Variants in FSTL5 observed in about 807,000 individuals in gnomAD.
FSTL5 encodes follistatin-related protein 5.
FSTL5 carries 62 observed loss-of-function variants against 89.1 expected under a neutral mutation model. That is an observed-to-expected ratio of 0.70 (90% CI 0.57 to 0.86). FSTL5 has a LOEUF of 0.86. Among genes scored for constraint, FSTL5 ranks in the 40% least tolerant of loss-of-function variants. FSTL5 has a pLI of 0.00. For synonymous variants in FSTL5, 383 were observed against 346.2 expected (o/e 1.11, Z -1.18); for missense variants, 1,057 against 1,001.6 (o/e 1.06, Z -0.75).
Position 161,386,139 on chromosome 4 carries a change from C to A in FSTL5, c.2152G>T (p.Val718Phe). ...SINDVKGLVR[V>F]QYITIRGEIQ... ...TCTCCTCTGATGGTAATGTACTGAA[C>A]CCTTACAAGACCTTTCACATCATTA... Residue 718 changes from valine to phenylalanine, a missense_variant, in exon 16 of 16, where the codon GTT becomes TTT. Val to Phe is a conservative substitution (Grantham distance 50). Transcript: ENST00000306100. 1 of 1,613,960 alleles carries A rather than the reference C, an allele frequency of 6.2e-7. No individual in the cohort carries two copies. The highest frequency in any genetic ancestry group is 8.5e-7 in the Non-Finnish European group (1 of 1,179,970).
At chr4:161,510,464 A>C (rs1397734665) in intron 10 of FSTL5, 40 bp from the exon 11 acceptor site, 1 of 1,240,732 alleles carries the variant, frequency 8.1e-7, no homozygotes, top group African/African-American at 1.5e-5. Context: ...AAGAAAAATG[A>C]GTAAAGAGAG....
rs962197239 is a variant in FSTL5 at position 161,592,270 on chromosome 4, CATT to C, written c.895-4698_895-4696del. ...TGGTACAGAAAATTCTTTTTATTAC[CATT>C]ATTATTATTATCATTATTATACATT... On this transcript the variant is annotated intron_variant, in intron 7 of 15. Coordinates refer to ENST00000306100, the MANE Select transcript of FSTL5 (RefSeq NM_020116.5). 3.3e-5 allele frequency among the ~76,000 whole-genome samples: 5 copies of C among 151,898 alleles called. No homozygotes were observed. In the East Asian group the frequency reaches 7.7e-4, roughly 23 times the overall value.
intron 5 of FSTL5, among the ~76,000 whole-genome samples, chr4:161,769,224 G>T (rs894753781): frequency 6.6e-6 from 1 of 151,834 alleles, no homozygotes; most frequent in Non-Finnish European, 1.5e-5. Flanking sequence ...AAATAAGACT[G>T]GGACCCAAGC....
At chr4:161,471,247 GA>G (rs1733927766) in intron 13 of FSTL5, among the ~76,000 whole-genome samples, 1 of 152,108 alleles carries the variant, frequency 6.6e-6, no homozygotes, top group Non-Finnish European at 1.5e-5. Flanking sequence ...CTAGTTTTTT[GA>G]GTATTTTTAT....
intron 7 of FSTL5, among the ~76,000 whole-genome samples, chr4:161,600,448 T>A (rs1209710469): frequency 2.0e-5 from 3 of 151,906 alleles, no homozygotes; most frequent in Non-Finnish European, 2.9e-5. Context: ...CTCTTTTTTT[T>A]AATTGTAAGT....
intron 7 of FSTL5, among the ~76,000 whole-genome samples, chr4:161,618,064 T>C (rs1287422115): frequency 2.0e-5 from 3 of 151,680 alleles, no homozygotes; most frequent in Admixed American, 6.6e-5. Context: ...GATTCCTAGG[T>C]ATTTTATTCT....
chr4:162,070,934 A>C (rs1729594186), intron 2 of FSTL5, among the ~76,000 whole-genome samples: 1 of 151,730 alleles, frequency 6.6e-6, no homozygotes, highest in African/African-American at 2.4e-5. Context: ...AAAAAGGATA[A>C]TATATACTGT....
intron 3 of FSTL5, among the ~76,000 whole-genome samples, chr4:162,027,877 A>AT (rs5863510): frequency 0.99 from 150,619 of 152,246 alleles, 74,514 homozygotes; most frequent in Middle Eastern, 1. Flanking sequence ...CCCTCATTTA[A>AT]TTTGAAAATT....
chr4:162,153,789 A>T (rs964179321), intron 1 of FSTL5, among the ~76,000 whole-genome samples: 1 of 122,060 alleles, frequency 8.2e-6, no homozygotes. Flanking sequence ...ATACATATAT[A>T]TGTATATGTA....
chr4:161,692,690 G>C (rs1029561429), intron 6 of FSTL5, among the ~76,000 whole-genome samples: 1 of 151,848 alleles, frequency 6.6e-6, no homozygotes, highest in Non-Finnish European at 1.5e-5. Flanking sequence ...GGGACCTCAG[G>C]GAAAATCAAC....
chr4:161,859,262 C>T (rs1232734253), intron 4 of FSTL5, among the ~76,000 whole-genome samples: 2 of 152,150 alleles, frequency 1.3e-5, no homozygotes, highest in South Asian at 2.1e-4. Flanking sequence ...ATCCTATCAC[C>T]CTCCTGTGGT....
At chr4:161,862,293 T>C (rs1490156573) in intron 4 of FSTL5, among the ~76,000 whole-genome samples, 1 of 152,196 alleles carries the variant, frequency 6.6e-6, no homozygotes, top group Non-Finnish European at 1.5e-5. Flanking sequence ...GGCTTTCCTA[T>C]AGTAAAATAT....
intron 15 of FSTL5, among the ~76,000 whole-genome samples, chr4:161,394,040 A>G (rs1032069260): frequency 1.3e-5 from 2 of 152,180 alleles, no homozygotes; most frequent in Non-Finnish European, 2.9e-5. Flanking sequence ...GAAAAACTAA[A>G]GTCTAGTTAA....
At chr4:161,862,431 A>T (rs762520811) in intron 4 of FSTL5, among the ~76,000 whole-genome samples, 6 of 152,146 alleles carry the variant, frequency 3.9e-5, no homozygotes, top group Non-Finnish European at 8.8e-5. Context: ...GATTACAAGA[A>T]GTCACTATAA....
At chr4:162,146,091 T>C (rs1732973794) in intron 1 of FSTL5, among the ~76,000 whole-genome samples, 1 of 152,162 alleles carries the variant, frequency 6.6e-6, no homozygotes, top group South Asian at 2.1e-4. Flanking sequence ...TTCTTATTTA[T>C]ATGCATGATA....
chr4:161,973,156 T>C (rs1419365291), intron 3 of FSTL5, among the ~76,000 whole-genome samples: 1 of 152,200 alleles, frequency 6.6e-6, no homozygotes, highest in Non-Finnish European at 1.5e-5. Flanking sequence ...AGTCAGTATT[T>C]GGTGAAGTGT....
At chr4:162,064,655 A>C (rs1291124836) in intron 2 of FSTL5, among the ~76,000 whole-genome samples, 2 of 151,986 alleles carry the variant, frequency 1.3e-5, no homozygotes, top group Admixed American at 6.6e-5. Context: ...GCTTGCCAAC[A>C]ACAGATCTTA....
chr4:161,425,424 A>G (rs1056978517), intron 15 of FSTL5, among the ~76,000 whole-genome samples: 1 of 152,190 alleles, frequency 6.6e-6, no homozygotes, highest in Non-Finnish European at 1.5e-5. Context: ...GAACAGGTTT[A>G]TAGAGCCTAG....
intron 4 of FSTL5, among the ~76,000 whole-genome samples, chr4:161,803,692 A>G (rs1729868423): frequency 6.6e-6 from 1 of 152,020 alleles, no homozygotes; most frequent in South Asian, 2.1e-4. Flanking sequence ...ATATGTAAAG[A>G]TATTGACCAA....
Sources: gnomAD v4.1 joint callset for allele counts (sites outside exome capture counted in the v4.1 genomes callset) on GRCh38, gnomAD v4.1.1 for gene constraint, MANE v1.5 for transcripts, NCBI Gene and HGNC (gene_info 2026-07-23, HGNC 2026-07-21) for gene names.